WDFY4: variants seen among roughly 807,000 people sequenced by gnomAD.
WDFY4 encodes WD repeat- and FYVE domain-containing protein 4.
WDFY4 carries 169 observed loss-of-function variants against 351.9 expected under a neutral mutation model. That is an observed-to-expected ratio of 0.48 (90% CI 0.42 to 0.55). The LOEUF (loss-of-function observed/expected upper bound fraction) is 0.55, where lower values mean the gene tolerates loss of function less well. Ranked by LOEUF, WDFY4 falls within the 20% of genes least tolerant of loss-of-function variation. WDFY4 has a pLI of 0.00. For missense variants in WDFY4, 3,803 were observed against 3,935.6 expected, an observed-to-expected ratio of 0.97 and a Z score of 0.90; for synonymous variants, 1,622 against 1,574.6, an observed-to-expected ratio of 1.03 and a Z score of -0.71.
chr10:48,924,516 A>G (rs973629473), intron 47 of WDFY4, among the ~76,000 whole-genome samples: 1 of 152,254 alleles, frequency 6.6e-6, no homozygotes, highest in African/African-American at 2.4e-5. Context: ...GAATGGATGT[A>G]TTTATGTATG....
intron 42 of WDFY4, among the ~76,000 whole-genome samples, chr10:48,876,815 T>A (rs1364066350): frequency 6.6e-6 from 1 of 152,196 alleles, no homozygotes; most frequent in Non-Finnish European, 1.5e-5. Flanking sequence ...CCCTCCAGGA[T>A]AAGTCAACTG....
At position 48,897,557 on chromosome 10, in the gene WDFY4, G is replaced by T. The variant is rs1227324735; in HGVS notation, c.7420G>T (p.Ala2474Ser). 8.4e-6 allele frequency: 13 copies of T among 1,548,240 alleles called. No individual in the cohort carries two copies. Among genetic ancestry groups the T allele is most frequent in the Admixed American group, 2.0e-5 (1 of 50,994 alleles). ...SYADMRELRQARFLLQDIALE... is the reference protein window; with the variant it reads ...SYADMRELRQSRFLLQDIALE... Reference sequence around the variant, plus strand: ...CGCTGACATGCGGGAGCTACGGCAGGCTCGCTTCCTCCTGCAGGTAAGCAC... The same window carrying T: ...CGCTGACATGCGGGAGCTACGGCAGTCTCGCTTCCTCCTGCAGGTAAGCAC... The change falls in exon 45 of 62, where the codon GCT becomes TCT. Residue 2474 changes from alanine to serine, a missense_variant. By Grantham distance (99) the Ala-to-Ser change is moderately conservative. Around this residue, in one of 3 missense-constraint regions of WDFY4, gnomAD observed 3,054 missense variants for 3,148.6 expected, o/e 0.97. Transcript: ENST00000325239.
intron 47 of WDFY4, among the ~76,000 whole-genome samples, chr10:48,930,728 T>C (rs2663060): frequency 0.93 from 140,699 of 152,100 alleles, 65,877 homozygotes; most frequent in East Asian, 1. Context: ...TAACAATAGA[T>C]GAGTGATTAA....
In WDFY4 at chr10:48,818,568, G is replaced by A. The variant is rs577027086; in HGVS notation, c.5505+1159G>A. Among the ~76,000 whole-genome samples the A allele has an allele frequency of 1.8e-4, 28 of 152,308 alleles. No individual in the cohort carries two copies. In the South Asian group the frequency reaches 5.6e-3, roughly 30 times the overall value. On this transcript the variant is annotated intron_variant, in intron 32 of 61. Transcript: ENST00000325239. Reference sequence around the variant, plus strand: ...CATCTCCCAGATTGATTGCAAGAATGAAATGTACTGAACTTCATGCGATTA... The same window carrying A: ...CATCTCCCAGATTGATTGCAAGAATAAAATGTACTGAACTTCATGCGATTA...
At position 48,805,142 on chromosome 10, in the gene WDFY4, G is replaced by A. The variant is rs1339389337; in HGVS notation, c.4485-118G>A. 4.3e-6 allele frequency: 5 copies of A among 1,176,094 alleles called. No individual in the cohort carries two copies. In the South Asian group the frequency reaches 6.3e-5, roughly 15 times the overall value. 72.9% of individuals were successfully genotyped at this position (1,176,094 alleles called of 1,614,324 possible). ...GGCATCTTGACAAATTGCCAAGAGA[G>A]CATTGGAGTTAAGGGGCCATGGAAC... On this transcript the variant is annotated intron_variant, in intron 25 of 61. Transcript: ENST00000325239.
intron 1 of WDFY4, among the ~76,000 whole-genome samples, chr10:48,691,333 C>T (rs1314803748): frequency 3.9e-5 from 6 of 152,166 alleles, no homozygotes; most frequent in African/African-American, 1.4e-4. Context: ...GCCCAGCACC[C>T]TTGGTGTGGG....
Position 48,772,558 on chromosome 10 carries a change from T to A in WDFY4, c.2554-1900T>A, listed in dbSNP as rs1174705751. Among the ~76,000 whole-genome samples the A allele has an allele frequency of 1.1e-3, 137 of 126,290 alleles. 2 individuals carry two copies. The East Asian group carries it at 0.026, about 24-fold the overall frequency. 82.9% of individuals were successfully genotyped at this position (126,290 alleles called of 152,430 possible). A position where few individuals can be genotyped will look rare whatever the true frequency, so the allele number is the denominator to read the frequency against. On this transcript the variant is annotated intron_variant, in intron 13 of 61. Transcript: ENST00000325239. ...TTTGCATTTTCTTTTTTTTTTTTTTTATTATACTTTAAGTTTTAGGGTACA... is the reference window on the plus strand; with the variant it reads ...TTTGCATTTTCTTTTTTTTTTTTTTAATTATACTTTAAGTTTTAGGGTACA...
chr10:48,887,854 A>G lies in WDFY4; in HGVS notation c.7168-2725A>G, dbSNP rs139406640. On this transcript the variant is annotated intron_variant, in intron 43 of 61. Transcript: ENST00000325239. ...ACTTATCTGCAAGGATGGTCATTGTAGCATTGCCTGTTATGTCAAAACATT... is the reference window on the plus strand; with the variant it reads ...ACTTATCTGCAAGGATGGTCATTGTGGCATTGCCTGTTATGTCAAAACATT... Among the ~76,000 whole-genome samples the G allele has an allele frequency of 9.1e-4, 139 of 152,324 alleles. 1 individual carries two copies. In the East Asian group the frequency reaches 0.023, roughly 25 times the overall value.
intron 18 of WDFY4, among the ~76,000 whole-genome samples, chr10:48,779,519 ACAACTGCCTATC>A (rs1333082073): frequency 2.0e-5 from 3 of 152,196 alleles, no homozygotes; most frequent in African/African-American, 7.2e-5. Context: ...TGTACACAGC[ACAACTGCCTATC>A]CAACTCTCTG....
intron 11 of WDFY4, among the ~76,000 whole-genome samples, chr10:48,742,743 A>T (rs2064891632): frequency 6.6e-6 from 1 of 152,218 alleles, no homozygotes; most frequent in South Asian, 2.1e-4. Context: ...AAAACAGGAC[A>T]GTTAAATCAA....
intron 47 of WDFY4, among the ~76,000 whole-genome samples, chr10:48,906,915 A>G (rs573759586): frequency 1.2e-4 from 19 of 152,122 alleles, no homozygotes; most frequent in Non-Finnish European, 2.4e-4. Context: ...CCAGGGATAG[A>G]TAATAAGAAA....
chr10:48,817,078 C>A (rs1468616584), intron 31 of WDFY4, among the ~76,000 whole-genome samples, 167 bp from the exon 32 acceptor site: 1 of 152,232 alleles, frequency 6.6e-6, no homozygotes, highest in African/African-American at 2.4e-5. Flanking sequence ...ACATATTAAA[C>A]CCTTCCTCAA....
At chr10:48,898,535 C>T (rs1027797014) in intron 45 of WDFY4, among the ~76,000 whole-genome samples, 4 of 152,256 alleles carry the variant, frequency 2.6e-5, no homozygotes, top group South Asian at 2.1e-4. Context: ...ATTTTCTGTA[C>T]GTAGGTCATT....
intron 39 of WDFY4, among the ~76,000 whole-genome samples, chr10:48,864,690 A>G (rs540915644): frequency 6.6e-6 from 1 of 152,244 alleles, no homozygotes; most frequent in Non-Finnish European, 1.5e-5. Flanking sequence ...CATTTTAACA[A>G]TATAAGAACT....
intron 39 of WDFY4, among the ~76,000 whole-genome samples, chr10:48,857,916 C>T (rs565595489): frequency 5.3e-5 from 8 of 152,134 alleles, no homozygotes; most frequent in South Asian, 2.1e-4. Context: ...CTCAGCCTCC[C>T]GAGTAGCTGG....
intron 40 of WDFY4, among the ~76,000 whole-genome samples, chr10:48,873,103 A>G (rs1156320174): frequency 6.6e-6 from 1 of 152,224 alleles, no homozygotes; most frequent in Non-Finnish European, 1.5e-5. Context: ...AAAAAAGTAC[A>G]TTCAGCTTCA....
chr10:48,975,737 AGTGGATGCATGG>A (rs1241555777), intron 58 of WDFY4, among the ~76,000 whole-genome samples: 1 of 151,880 alleles, frequency 6.6e-6, no homozygotes, highest in Non-Finnish European at 1.5e-5. Flanking sequence ...TGGGTAGATG[AGTGGATGCATGG>A]GTGGATGAAT....
Position 48,817,354 on chromosome 10 carries a change from C to T in WDFY4, c.5450C>T (p.Ala1817Val). Reference protein sequence around the residue: ...RTYPQDPAWRAPEFLQTLAIA... With the variant: ...RTYPQDPAWRVPEFLQTLAIA... ...TACCCCCAGGACCCAGCGTGGCGAGCCCCGGAGTTCCTCCAGACCTTGGCC... is the reference window on the plus strand; with the variant it reads ...TACCCCCAGGACCCAGCGTGGCGAGTCCCGGAGTTCCTCCAGACCTTGGCC... Residue 1817 changes from alanine to valine, a missense_variant, in exon 32 of 62, where the codon GCC becomes GTC. This residue lies in a region of WDFY4 where 3,054 missense variants were observed against 3,148.6 expected (regional missense o/e 0.97). Transcript: ENST00000325239. 1 of 1,551,672 alleles carries T rather than the reference C, an allele frequency of 6.4e-7. No homozygotes were observed. Among genetic ancestry groups the T allele is most frequent in the Non-Finnish European group, 8.7e-7 (1 of 1,146,984 alleles).
chr10:48,957,262 A>G lies in WDFY4; in HGVS notation c.8111A>G (p.Asn2704Ser). The G allele has an allele frequency of 6.4e-7, 1 of 1,551,576 alleles. No homozygotes were observed. Among genetic ancestry groups the G allele is most frequent in the Non-Finnish European group, 8.7e-7 (1 of 1,146,880 alleles). Reference protein sequence around the residue: ...EFFYLPEFLTNCNGVEFGCMQ... With the variant: ...EFFYLPEFLTSCNGVEFGCMQ... The stretch of plus-strand genomic sequence containing the variant: ...TTCTACCTGCCTGAGTTCTTAACCA[A>G]CTGCAACGGGGTAGAGTTCGGTAAG... The change falls in exon 52 of 62, where the codon AAC becomes AGC. Residue 2704 changes from asparagine to serine, a missense_variant. This residue lies in a region of WDFY4 where 3,054 missense variants were observed against 3,148.6 expected (regional missense o/e 0.97). Transcript: ENST00000325239.
Sources: gnomAD v4.1 joint callset for allele counts (sites outside exome capture counted in the v4.1 genomes callset) on GRCh38, gnomAD v4.1.1 for gene constraint, gnomAD v4.1.1 regional missense constraint, MANE v1.5 for transcripts, NCBI Gene and HGNC (gene_info 2026-07-23, HGNC 2026-07-21) for gene names.